The following CAMKMT variants were observed in gnomAD, a reference collection of about 807,000 sequenced individuals.
The protein encoded by CAMKMT is CaM KMT.
In CAMKMT, 53 loss-of-function variants were observed where a neutral mutation model predicts 48.0. That is an observed-to-expected ratio of 1.10 (90% confidence interval 0.89 to 1.39). The LOEUF is 1.39. CAMKMT is among the 40% of genes most tolerant of loss of function. The probability of loss-of-function intolerance (pLI) is 0.00; values close to 1 mark genes in which losing one functional copy is unlikely to be tolerated. For missense variants in CAMKMT, 428 were observed against 402.7 expected, an observed-to-expected ratio of 1.06 and a Z score of -0.54; for synonymous variants, 165 against 152.3, an observed-to-expected ratio of 1.08 and a Z score of -0.61.
chr2:44,462,061 A>C (rs1488379713), intron 3 of CAMKMT, among the ~76,000 whole-genome samples: 3 of 152,202 alleles, frequency 2.0e-5, no homozygotes, highest in African/African-American at 7.2e-5. Flanking sequence ...TGGAGAAGAC[A>C]ATAACATTAT....
chr2:44,598,356 AAG>A (rs1269958356), intron 3 of CAMKMT, among the ~76,000 whole-genome samples: 1 of 152,082 alleles, frequency 6.6e-6, no homozygotes, highest in Non-Finnish European at 1.5e-5. Flanking sequence ...CACAAAAACC[AAG>A]TTATGCAAAA....
Position 44,391,892 on chromosome 2 carries a change from T to G in CAMKMT, c.376+1587T>G, listed in dbSNP as rs552100716. ...TTGTCTCTTGTTTGGTAGAAAGGTT[T>G]AAGACTTTGGAATGATACTCACCTG... On this transcript the variant is annotated intron_variant, in intron 3 of 10. Coordinates refer to ENST00000378494, the MANE Select transcript of CAMKMT (RefSeq NM_024766.5). 3 of 152,900 alleles carry G rather than the reference T, an allele frequency of 2.0e-5. No homozygotes were observed. In the South Asian group the frequency reaches 6.2e-4, roughly 32 times the overall value. 9.5% of individuals were successfully genotyped at this position (152,900 alleles called of 1,614,324 possible). A position where few individuals can be genotyped will look rare whatever the true frequency, so the allele number is the denominator to read the frequency against.
intron 3 of CAMKMT, among the ~76,000 whole-genome samples, chr2:44,523,144 A>G (rs1671208110): frequency 6.6e-6 from 1 of 152,178 alleles, no homozygotes; most frequent in Non-Finnish European, 1.5e-5. Flanking sequence ...CATTAAAAAA[A>G]AAGCCTACCA....
At chr2:44,498,115 A>T (rs1669844419) in intron 3 of CAMKMT, among the ~76,000 whole-genome samples, 1 of 152,162 alleles carries the variant, frequency 6.6e-6, no homozygotes. Context: ...TTGGGAGTTC[A>T]AGTATGTGTC....
intron 3 of CAMKMT, among the ~76,000 whole-genome samples, chr2:44,584,176 C>G (rs1669722178): frequency 6.6e-6 from 1 of 152,286 alleles, no homozygotes; most frequent in South Asian, 2.1e-4. Context: ...CATCCATGTT[C>G]TTATGTGTAT....
intron 2 of CAMKMT, among the ~76,000 whole-genome samples, chr2:44,379,899 G>C (rs1372459091): frequency 6.6e-6 from 1 of 151,630 alleles, no homozygotes; most frequent in Non-Finnish European, 1.5e-5. Flanking sequence ...TGTGATATTT[G>C]CAAATATTTT....
At chr2:44,367,154 T>C (rs550781782) in intron 1 of CAMKMT, among the ~76,000 whole-genome samples, 6 of 152,218 alleles carry the variant, frequency 3.9e-5, no homozygotes, top group Non-Finnish European at 7.3e-5. Context: ...CTGTTAACTG[T>C]CCTTTTAACT....
intron 3 of CAMKMT, among the ~76,000 whole-genome samples, chr2:44,693,381 T>G (rs1676767326): frequency 6.6e-6 from 1 of 152,202 alleles, no homozygotes. Context: ...TATTACTCTC[T>G]TCCTTTCTCA....
At chr2:44,656,181 A>G (rs1674366689) in intron 3 of CAMKMT, among the ~76,000 whole-genome samples, 1 of 152,204 alleles carries the variant, frequency 6.6e-6, no homozygotes. Context: ...AGTTATCTAC[A>G]AGTAGTTTTG....
At chr2:44,480,267 A>G (rs1219649083) in intron 3 of CAMKMT, among the ~76,000 whole-genome samples, 3 of 152,194 alleles carry the variant, frequency 2.0e-5, no homozygotes, top group African/African-American at 7.2e-5. Context: ...GCCACTCCCA[A>G]GCAGCAGAGT....
At chr2:44,502,617 C>T (rs770045632) in intron 3 of CAMKMT, among the ~76,000 whole-genome samples, 1 of 152,138 alleles carries the variant, frequency 6.6e-6, no homozygotes, top group Non-Finnish European at 1.5e-5. Flanking sequence ...CATTTCAAGA[C>T]ATACCACCTT....
chr2:44,405,997 G>C (rs916620477), intron 3 of CAMKMT, among the ~76,000 whole-genome samples: 3 of 152,144 alleles, frequency 2.0e-5, no homozygotes, highest in African/African-American at 7.2e-5. Context: ...CATAGTTAAA[G>C]ATGTCCCATT....
At chr2:44,647,710 C>A (rs181150353) in intron 3 of CAMKMT, among the ~76,000 whole-genome samples, 33 of 151,886 alleles carry the variant, frequency 2.2e-4, no homozygotes, top group Non-Finnish European at 3.8e-4. Flanking sequence ...TCAAGACCAT[C>A]CTGGCTAACA....
intron 3 of CAMKMT, among the ~76,000 whole-genome samples, chr2:44,625,183 G>A (rs1040917578): frequency 1.3e-5 from 2 of 152,060 alleles, no homozygotes; most frequent in Non-Finnish European, 2.9e-5. Flanking sequence ...TTTAAATTTA[G>A]CCATTCCAAT....
At chr2:44,600,008 A>G (rs1017575707) in intron 3 of CAMKMT, among the ~76,000 whole-genome samples, 5 of 152,102 alleles carry the variant, frequency 3.3e-5, no homozygotes, top group Non-Finnish European at 7.3e-5. Flanking sequence ...AGTTGTGGAA[A>G]CTTTCCAATG....
chr2:44,713,607 T>G (rs570498027), intron 6 of CAMKMT, among the ~76,000 whole-genome samples: 2 of 152,160 alleles, frequency 1.3e-5, no homozygotes, highest in East Asian at 3.9e-4. Context: ...TGAATGTAAT[T>G]TAACGGTATT....
chr2:44,770,255 G>C (rs1014072503), intron 10 of CAMKMT, among the ~76,000 whole-genome samples: 2 of 152,226 alleles, frequency 1.3e-5, no homozygotes, highest in African/African-American at 4.8e-5. Context: ...AAATGATCCA[G>C]GGCTGGGTTA....
chr2:44,379,003 C>T (rs1679975945), intron 2 of CAMKMT, among the ~76,000 whole-genome samples: 1 of 152,206 alleles, frequency 6.6e-6, no homozygotes, highest in African/African-American at 2.4e-5. Context: ...GTACAGCCTT[C>T]ACCACTATTC....
At chr2:44,547,445 G>A (rs891408127) in intron 3 of CAMKMT, among the ~76,000 whole-genome samples, 25 of 152,208 alleles carry the variant, frequency 1.6e-4, no homozygotes, top group African/African-American at 5.1e-4. Context: ...ACCTGAGACC[G>A]GGAACTTGAG....
Sources: allele counts gnomAD v4.1 joint callset (sites outside exome capture counted in the v4.1 genomes callset), GRCh38; gene constraint gnomAD v4.1.1; transcripts MANE v1.5; gene names NCBI Gene and HGNC (gene_info 2026-07-23, HGNC 2026-07-21).